The following MAX variants were observed in gnomAD, a reference collection of about 807,000 sequenced individuals.
The protein encoded by MAX is protein max.
In MAX, 3 loss-of-function variants were observed where a neutral mutation model predicts 22.3. The ratio of observed to expected loss-of-function variants is 0.13; its 90% CI spans 0.06 to 0.35. MAX has a LOEUF of 0.35. MAX is among the 10% of genes least tolerant of loss of function. The pLI is 1.00. For missense variants in MAX, 119 were observed against 209.4 expected, an observed-to-expected ratio of 0.57 and a Z score of 2.66; for synonymous variants, 72 against 77.7, an observed-to-expected ratio of 0.93 and a Z score of 0.39.
chr14:65,042,544 A>G (rs1421362769), intron 3 of MAX, among the ~76,000 whole-genome samples: 1 of 152,136 alleles, frequency 6.6e-6, no homozygotes, highest in Non-Finnish European at 1.5e-5. Context: ...AGCAGCTGTA[A>G]ATACAGATTA....
chr14:65,056,920 A>G (rs1010742725), intron 3 of MAX, among the ~76,000 whole-genome samples: 1 of 152,210 alleles, frequency 6.6e-6, no homozygotes, highest in African/African-American at 2.4e-5. Context: ...GCTTCTGGCA[A>G]GGGTTGTGCT....
Position 65,093,870 on chromosome 14 carries a change from A to G in MAX, c.64-55T>C. Reference sequence around the variant, plus strand: ...GAATGTCACTCCTTTTGCTTGGTACAAGGTGGGTGGGGTACAGCCTGGAAG... The same window carrying G: ...GAATGTCACTCCTTTTGCTTGGTACGAGGTGGGTGGGGTACAGCCTGGAAG... On this transcript the variant is annotated intron_variant, in intron 2 of 4. Coordinates refer to ENST00000358664, the MANE Select transcript of MAX (RefSeq NM_002382.5). The surrounding 1 kb of genome is among the most constrained non-coding windows in gnomAD (Gnocchi z 4.4). The G allele has an allele frequency of 1.9e-6, 2 of 1,038,646 alleles. No individual in the cohort carries two copies. Among genetic ancestry groups the G allele is most frequent in the Admixed American group, 1.7e-5 (1 of 59,244 alleles). 64.3% of individuals were successfully genotyped at this position (1,038,646 alleles called of 1,614,324 possible).
At chr14:65,087,463 G>A (rs140174879) in intron 3 of MAX, among the ~76,000 whole-genome samples, 9 of 152,316 alleles carry the variant, frequency 5.9e-5, no homozygotes, top group African/African-American at 1.2e-4. Context: ...AAGACCAAAG[G>A]AACCCACCTT....
chr14:65,034,468 A>G (rs566050927), intron 3 of MAX, among the ~76,000 whole-genome samples: 5 of 150,574 alleles, frequency 3.3e-5, no homozygotes, highest in African/African-American at 1.0e-4. Flanking sequence ...TAACTTGGCA[A>G]TGGTATAAAC....
intron 3 of MAX, among the ~76,000 whole-genome samples, chr14:65,066,531 A>T (rs139089297): frequency 7.9e-5 from 12 of 152,256 alleles, no homozygotes; most frequent in African/African-American, 2.4e-4. Context: ...GCTCCCCCTG[A>T]GGAAATACAG....
At chr14:65,045,375 C>CT (rs371277598) in intron 3 of MAX, among the ~76,000 whole-genome samples, 2 of 151,700 alleles carry the variant, frequency 1.3e-5, no homozygotes. Context: ...CCTCCCCATA[C>CT]TTTTTTTTCC....
At chr14:65,073,660 G>A (rs1200093062), downstream of MAX, among the ~76,000 whole-genome samples, 2 of 152,138 alleles carry the variant, frequency 1.3e-5, no homozygotes, top group Non-Finnish European at 2.9e-5. Context: ...GCTATGGTCC[G>A]ACTTTGGTAT....
At chr14:65,095,588 C>G (rs1998688) in intron 2 of MAX, among the ~76,000 whole-genome samples, 73,509 of 152,026 alleles carry the variant, frequency 0.48, 20,404 homozygotes, top group African/African-American at 0.78. Context: ...AGTTGGGCTG[C>G]GACTATACCT....
upstream of MAX, chr14:65,102,546 G>C: frequency 6.9e-7 from 1 of 1,446,288 alleles, no homozygotes. Context: ...CGGCACGCAC[G>C]CCCGGTCGGC....
At chr14:65,050,725 G>T (rs980563569) in intron 3 of MAX, among the ~76,000 whole-genome samples, 1 of 152,174 alleles carries the variant, frequency 6.6e-6, no homozygotes, top group Non-Finnish European at 1.5e-5. Flanking sequence ...CTGCAGAGCA[G>T]GGCTACTCCA....
rs1474187031 is a variant in MAX at position 65,032,231 on chromosome 14, A to G, written c.172-25947T>C. The G allele has an allele frequency of 6.1e-6, 1 of 162,844 alleles. No homozygotes were observed. Among genetic ancestry groups the G allele is most frequent in the Admixed American group, 6.4e-5 (1 of 15,622 alleles). 10.1% of individuals were successfully genotyped at this position (162,844 alleles called of 1,614,324 possible). ...GGCTCTGAAACAGTACTAACATCCA[A>G]ATGAATGAGCATATCAGAAGTACCT... On this transcript the variant is annotated intron_variant, in intron 3 of 3. Transcript: ENST00000341653. The surrounding 1 kb of genome is among the most constrained non-coding windows in gnomAD (Gnocchi z 5.0).
At chr14:65,008,496 A>G (rs573163142) in intron 3 of MAX, among the ~76,000 whole-genome samples, 2 of 152,354 alleles carry the variant, frequency 1.3e-5, no homozygotes, top group African/African-American at 4.8e-5. Context: ...ATGAACACAA[A>G]TATACAGTTA....
intron 3 of MAX, among the ~76,000 whole-genome samples, chr14:65,035,575 G>A (rs1331749327): frequency 2.0e-5 from 3 of 152,020 alleles, no homozygotes; most frequent in Non-Finnish European, 4.4e-5. Flanking sequence ...TGTTGCACGA[G>A]CTGGAGTGTA....
chr14:65,043,928 A>G (rs946414316), intron 3 of MAX, among the ~76,000 whole-genome samples: 4 of 151,990 alleles, frequency 2.6e-5, no homozygotes, highest in Non-Finnish European at 5.9e-5. Flanking sequence ...GTAATGAGAA[A>G]TGAGCTACTG....
In MAX at chr14:65,069,163, G is replaced by C. The variant is rs1388185097; in HGVS notation, c.171+24545C>G. Among the ~76,000 whole-genome samples, 1 of 152,192 alleles carries C rather than the reference G, an allele frequency of 6.6e-6. No homozygotes were observed. The highest frequency in any genetic ancestry group is 1.5e-5 in the Non-Finnish European group (1 of 68,038). On this transcript the variant is annotated intron_variant, in intron 3 of 3. Transcript: ENST00000341653. The surrounding 1 kb of genome is among the most constrained non-coding windows in gnomAD (Gnocchi z 4.6). ...TGGCTGCCATGTGCCTGGATACCAA[G>C]GGACCAGTGAAAGTGGTGGAATAGA... is the stretch of plus-strand genomic sequence containing the variant.
At position 65,101,547 on chromosome 14, in the gene MAX, G is replaced by T; in HGVS notation, c.62C>A (p.Ala21Glu). 6.2e-7 allele frequency: 1 copy of T among 1,609,264 alleles called. No homozygotes were observed. Among genetic ancestry groups the T allele is most frequent in the South Asian group, 1.1e-5 (1 of 90,540 alleles). Residue 21 changes from alanine (A) to glutamate (E), a missense_variant and splice_region_variant, in exon 2 of 5, where the codon GCG (alanine) becomes GAG (glutamate). This residue lies in a region of MAX where 24 missense variants were observed against 42.7 expected (regional missense o/e 0.56). Coordinates refer to ENST00000358664, the MANE Select transcript of MAX (RefSeq NM_002382.5). ...TGAAATGGAGAGTAGGAGACGTACCGCAGATTGAAACCTCGGTTGCTCTTC... is the reference window on the plus strand; with the variant it reads ...TGAAATGGAGAGTAGGAGACGTACCTCAGATTGAAACCTCGGTTGCTCTTC... ...SDEEQPRFQSAADKRAHHNAL... is the reference protein window; with the variant it reads ...SDEEQPRFQSEADKRAHHNAL...
In MAX at chr14:65,077,940, G is replaced by T. The variant is rs1060500099; in HGVS notation, c.268C>A (p.Arg90=). The change falls in exon 4 of 5, where the codon CGG becomes AGG. Residue 90 remains arginine, a synonymous_variant. Coordinates refer to ENST00000358664, the MANE Select transcript of MAX (RefSeq NM_002382.5). The surrounding 1 kb of genome is among the most constrained non-coding windows in gnomAD (Gnocchi z 6.3). The stretch of plus-strand genomic sequence containing the variant: ...TGCTGCTCCAGAAGAGCATTCTGCC[G>T]CTTGAGGTCGTCAATATCTTGCTGG... ...THQQDIDDLK[R]QNALLEQQVR... 1 of 1,614,196 alleles carries T rather than the reference G, an allele frequency of 6.2e-7. No individual in the cohort carries two copies. The highest frequency in any genetic ancestry group is 2.2e-5 in the East Asian group (1 of 44,882).
intron 3 of MAX, among the ~76,000 whole-genome samples, chr14:65,059,837 CTTTT>C (rs34459085): frequency 2.2e-5 from 3 of 134,242 alleles, no homozygotes; most frequent in Non-Finnish European, 4.8e-5. Flanking sequence ...GTCCTTTTTT[CTTTT>C]TTTTTTTTTT....
At chr14:65,063,655 C>T (rs921017396) in intron 3 of MAX, among the ~76,000 whole-genome samples, 9 of 152,184 alleles carry the variant, frequency 5.9e-5, no homozygotes, top group Non-Finnish European at 1.2e-4. Flanking sequence ...GCCTCGACCT[C>T]CTGGGCTCAG....
Sources: allele counts gnomAD v4.1 joint callset (sites outside exome capture counted in the v4.1 genomes callset), GRCh38; gene constraint gnomAD v4.1.1; regional missense constraint gnomAD v4.1.1; non-coding constraint Gnocchi (gnomAD v3.1); transcripts MANE v1.5; gene names NCBI Gene and HGNC (gene_info 2026-07-23, HGNC 2026-07-21).